Variants in SCAMP2 observed in about 807,000 individuals in gnomAD.
SCAMP2 encodes the protein secretory carrier membrane protein 2, also known as secretory carrier-associated membrane protein 2.
In SCAMP2, 25 loss-of-function variants were observed where a neutral mutation model predicts 44.1. That is an observed-to-expected ratio of 0.57 (90% confidence interval 0.41 to 0.79). The LOEUF is 0.79. Among genes scored for constraint, SCAMP2 ranks in the 30% least tolerant of loss-of-function variants. The pLI, the probability that SCAMP2 is intolerant of heterozygous loss-of-function variation, is 0.00. For missense variants in SCAMP2, 355 were observed against 411.0 expected, an observed-to-expected ratio of 0.86 and a Z score of 1.18; for synonymous variants, 156 against 166.0, an observed-to-expected ratio of 0.94 and a Z score of 0.46.
intron 1 of SCAMP2, among the ~76,000 whole-genome samples, chr15:74,867,805 G>A (rs953685727): frequency 4.6e-5 from 7 of 152,184 alleles, no homozygotes; most frequent in Non-Finnish European, 1.0e-4. Flanking sequence ...TGTGTGACTT[G>A]GCAACTTACA....
At chr15:74,845,682 G>C (rs2064394868) in intron 7 of SCAMP2, 89 bp from the exon 8 acceptor site, 1 of 1,503,086 alleles carries the variant, frequency 6.7e-7, no homozygotes, top group Non-Finnish European at 9.1e-7. Flanking sequence ...TGGCTGCTGT[G>C]TCCTGACCAT....
chr15:74,846,278 A>G (rs1452817121), intron 7 of SCAMP2, among the ~76,000 whole-genome samples: 1 of 150,310 alleles, frequency 6.7e-6, no homozygotes, highest in Admixed American at 6.6e-5. Context: ...CGAGACTCCA[A>G]CTCAAAAAAA....
At chr15:74,848,093 G>A (rs2064411568) in intron 7 of SCAMP2, among the ~76,000 whole-genome samples, 1 of 150,454 alleles carries the variant, frequency 6.6e-6, no homozygotes, top group South Asian at 2.1e-4. Flanking sequence ...TTTGATACAG[G>A]ATCTCACTCT....
intron 2 of SCAMP2, 73 bp from the exon 3 acceptor site, chr15:74,854,192 C>G: frequency 7.5e-7 from 1 of 1,324,506 alleles, no homozygotes; most frequent in Non-Finnish European, 1.1e-6. Context: ...AAACCCACAG[C>G]AGGATGAGTG....
chr15:74,853,974 G>T (rs1348623553), intron 3 of SCAMP2, 47 bp downstream of exon 3: 2 of 1,505,952 alleles, frequency 1.3e-6, no homozygotes, highest in African/African-American at 1.4e-5. Flanking sequence ...TGGTCTGGAT[G>T]ATTCCCTCAC....
At chr15:74,848,481 A>G (rs1596413882) in intron 7 of SCAMP2, 119 bp downstream of exon 7, 1 of 645,904 alleles carries the variant, frequency 1.5e-6, no homozygotes, top group Admixed American at 2.8e-5. Flanking sequence ...CCACTCACCC[A>G]CTCCCCGCCA....
intron 1 of SCAMP2, among the ~76,000 whole-genome samples, chr15:74,865,187 C>G: frequency 7.0e-6 from 1 of 142,536 alleles, no homozygotes; most frequent in East Asian, 2.1e-4. Flanking sequence ...TTGAGACTAG[C>G]CTGGCCAACA....
intron 1 of SCAMP2, among the ~76,000 whole-genome samples, chr15:74,860,471 C>A (rs1036428868): frequency 1.3e-5 from 2 of 150,536 alleles, no homozygotes; most frequent in African/African-American, 4.9e-5. Context: ...GGTGGGTCAC[C>A]TGAGGTCAGG....
intron 6 of SCAMP2, 43 bp downstream of exon 6, chr15:74,850,467 TGGGA>T: frequency 6.3e-7 from 1 of 1,580,920 alleles, no homozygotes; most frequent in South Asian, 1.1e-5. Flanking sequence ...GCCTGCTACC[TGGGA>T]TGCCAGCCAT....
At chr15:74,864,209 G>A (rs1185506195) in intron 1 of SCAMP2, among the ~76,000 whole-genome samples, 1 of 152,104 alleles carries the variant, frequency 6.6e-6, no homozygotes, top group Non-Finnish European at 1.5e-5. Flanking sequence ...TTACAGGTGT[G>A]TGCCACCATG....
intron 1 of SCAMP2, among the ~76,000 whole-genome samples, chr15:74,869,802 G>A (rs941287856): frequency 6.6e-6 from 1 of 152,194 alleles, no homozygotes; most frequent in African/African-American, 2.4e-5. Context: ...GTTCTGGAGT[G>A]TGACTAGGTG....
intron 1 of SCAMP2, among the ~76,000 whole-genome samples, chr15:74,857,897 G>A (rs1404129528): frequency 1.3e-5 from 2 of 152,242 alleles, no homozygotes; most frequent in Non-Finnish European, 2.9e-5. Context: ...TCAGCGGTTT[G>A]AGAAGACACG....
At chr15:74,850,491 C>T (rs747223310) in intron 6 of SCAMP2, 23 bp downstream of exon 6, 2 of 1,611,548 alleles carry the variant, frequency 1.2e-6, no homozygotes, top group East Asian at 2.2e-5. Context: ...TAAAGTCTCA[C>T]CCCTTGCCCC....
chr15:74,858,694 T>C (rs1307673286), intron 1 of SCAMP2, among the ~76,000 whole-genome samples: 1 of 151,718 alleles, frequency 6.6e-6, no homozygotes, highest in African/African-American at 2.4e-5. Context: ...GCCTGACAAA[T>C]TGAAGGCGCT....
In SCAMP2 at chr15:74,873,266, G is replaced by C. The variant is rs1244815434; in HGVS notation, c.-11C>G. 1.4e-6 allele frequency: 2 copies of C among 1,478,940 alleles called. No individual in the cohort carries two copies. Among genetic ancestry groups the C allele is most frequent in the East Asian group, 5.9e-5 (2 of 33,736 alleles). The allele number at this position is 1,478,940 out of a possible 1,614,324, so 91.6% of individuals were successfully genotyped here. ...GTCGAAAGCCGACATGGTGATCGGGGGCCAGCGGGCGAACTCCGCGAACGC... is the reference window on the plus strand; with the variant it reads ...GTCGAAAGCCGACATGGTGATCGGGCGCCAGCGGGCGAACTCCGCGAACGC... On this transcript the variant is annotated 5_prime_UTR_variant, in exon 1 of 9. Coordinates refer to ENST00000268099, the MANE Select transcript of SCAMP2 (RefSeq NM_005697.5).
chr15:74,862,859 C>CACAT (rs377189117), intron 1 of SCAMP2, among the ~76,000 whole-genome samples: 5,796 of 91,852 alleles, frequency 0.063, 232 homozygotes, highest in East Asian at 0.1. Flanking sequence ...ACCATACACA[C>CACAT]ACACACACAC....
chr15:74,855,742 G>C (rs2064465031), intron 1 of SCAMP2, among the ~76,000 whole-genome samples: 1 of 146,370 alleles, frequency 6.8e-6, no homozygotes, highest in South Asian at 2.2e-4. Flanking sequence ...AAAAAAAGTA[G>C]TCTAAGTTTC....
At chr15:74,864,618 G>A (rs2064530476) in intron 1 of SCAMP2, among the ~76,000 whole-genome samples, 1 of 152,156 alleles carries the variant, frequency 6.6e-6, no homozygotes, top group Admixed American at 6.6e-5. Flanking sequence ...GACTGGCTAG[G>A]ACACAACTGT....
intron 8 of SCAMP2, 80 bp from the exon 9 acceptor site, chr15:74,845,297 G>A (rs1448905078): frequency 1.9e-6 from 3 of 1,589,556 alleles, no homozygotes; most frequent in Non-Finnish European, 2.6e-6. Flanking sequence ...TACTCCCAAA[G>A]GGGTCACCAG....
Sources: allele counts gnomAD v4.1 joint callset (sites outside exome capture counted in the v4.1 genomes callset), GRCh38; gene constraint gnomAD v4.1.1; transcripts MANE v1.5; gene names NCBI Gene and HGNC (gene_info 2026-07-23, HGNC 2026-07-21).